MICAL1: variants seen among roughly 807,000 people sequenced by gnomAD.
MICAL1 encodes the protein [F-actin]-monooxygenase MICAL1.
Under a neutral mutation model 131.8 loss-of-function variants are expected in MICAL1, and 95 were observed. The ratio of observed to expected loss-of-function variants is 0.72; its 90% CI spans 0.61 to 0.86. MICAL1 has a LOEUF of 0.86. Ranked by LOEUF, MICAL1 falls within the 40% of genes least tolerant of loss-of-function variation. The pLI is 0.00. For synonymous variants in MICAL1, 546 were observed against 554.2 expected (o/e 0.99, Z 0.21); for missense variants, 1,292 against 1,380.6 (o/e 0.94, Z 1.02).
chr6:109,450,210 C>A, intron 8 of MICAL1, 90 bp downstream of exon 8: 1 of 1,563,930 alleles, frequency 6.4e-7, no homozygotes. Context: ...TAGCTCCTCC[C>A]CTCTGCAGGC....
At chr6:109,447,633 G>C (rs1273209095) in intron 15 of MICAL1, 48 bp downstream of exon 15, 8 of 1,612,124 alleles carry the variant, frequency 5.0e-6, no homozygotes, top group Non-Finnish European at 6.8e-6. Flanking sequence ...ACCAGGAAAG[G>C]GGATAAAATG....
intron 24 of MICAL1, 91 bp from the exon 25 acceptor site, chr6:109,444,430 A>G: frequency 6.4e-7 from 1 of 1,561,078 alleles, no homozygotes; most frequent in Non-Finnish European, 8.7e-7. Flanking sequence ...GATTTCTATA[A>G]CCCGGGCTTT....
In MICAL1 at chr6:109,451,628, C is replaced by T. The variant is rs1775547223; in HGVS notation, c.905G>A (p.Cys302Tyr). 1 of 1,614,100 alleles carries T rather than the reference C, an allele frequency of 6.2e-7. No homozygotes were observed. Among genetic ancestry groups the T allele is most frequent in the South Asian group, 1.1e-5 (1 of 91,088 alleles). The change falls in exon 7 of 25, where the codon TGC becomes TAC. Residue 302 changes from cysteine to tyrosine, a missense_variant. Coordinates refer to ENST00000358807, the MANE Select transcript of MICAL1 (RefSeq NM_022765.4). ...GCGCAGCACCCCCAGCCGCAGCAGG[C>T]ACTGCTTCTTGGCTGTCATCACAAA... ...HYFVMTAKKQ[C>Y]LLRLGVLRQD...
chr6:109,452,557 T>C lies in MICAL1; in HGVS notation c.630A>G (p.Glu210=). 6.2e-7 allele frequency: 1 copy of C among 1,613,726 alleles called. No individual in the cohort carries two copies. Among genetic ancestry groups the C allele is most frequent in the Non-Finnish European group, 8.5e-7 (1 of 1,179,962 alleles). Residue 210 remains glutamate, a synonymous_variant, in exon 5 of 25, where the codon GAA becomes GAG. Transcript: ENST00000358807. ...PNPPAQLANY[E]FDVLISAAGG... The stretch of plus-strand genomic sequence containing the variant: ...CTGCAGCCGAGATAAGGACGTCAAA[T>C]TCATAGTTGGCCAGCTGGGCAGGGG...
intron 8 of MICAL1, 64 bp downstream of exon 8, chr6:109,450,236 C>T: frequency 6.4e-7 from 1 of 1,572,816 alleles, no homozygotes; most frequent in Non-Finnish European, 8.7e-7. Flanking sequence ...TTTTTATCCC[C>T]TCCTCCATAC....
intron 4 of MICAL1, 116 bp downstream of exon 4, chr6:109,453,147 G>C (rs112593035): frequency 1.0e-5 from 8 of 782,118 alleles, no homozygotes; most frequent in Non-Finnish European, 1.7e-5. Context: ...GTGACAGAAC[G>C]AGACTCTGTC....
intron 20 of MICAL1, 60 bp downstream of exon 20, chr6:109,445,711 T>C (rs1037542297): frequency 6.4e-7 from 1 of 1,567,274 alleles, no homozygotes; most frequent in Non-Finnish European, 8.7e-7. Context: ...AGTGGACCAG[T>C]GCAGGTTTCT....
At chr6:109,451,546 C>T in intron 7 of MICAL1, 54 bp downstream of exon 7, 1 of 1,606,176 alleles carries the variant, frequency 6.2e-7, no homozygotes, top group Admixed American at 1.7e-5. Context: ...CAAGCCTAGC[C>T]TCTGCCTCCC....
Position 109,454,009 on chromosome 6 carries a change from A to T in MICAL1, c.188T>A (p.Leu63Gln). 6.2e-7 allele frequency: 1 copy of T among 1,614,114 alleles called. No homozygotes were observed. The highest frequency in any genetic ancestry group is 8.5e-7 in the Non-Finnish European group (1 of 1,180,030). The change falls in exon 2 of 25, where the codon CTG (leucine) becomes CAG (glutamine). Residue 63 changes from leucine to glutamine, a missense_variant. Physicochemically the swap from Leu to Gln is moderately radical, Grantham distance 113. Transcript: ENST00000358807. Reference sequence around the variant, plus strand: ...TGCTCGCTTGTCCAGCTTGGTCCACAGTGACTTGGCGCTCCAGTAGTTGAG... The same window carrying T: ...TGCTCGCTTGTCCAGCTTGGTCCACTGTGACTTGGCGCTCCAGTAGTTGAG... The part of the protein sequence containing the change: ...DQLNYWSAKS[L>Q]WTKLDKRAGQ...
chr6:109,446,006 A>G, intron 19 of MICAL1, 130 bp downstream of exon 19: 1 of 1,472,656 alleles, frequency 6.8e-7, no homozygotes, highest in Non-Finnish European at 9.0e-7. Flanking sequence ...AGAAGAATGG[A>G]GCAGAGGAGA....
In MICAL1 at chr6:109,445,518, G is replaced by T; in HGVS notation, c.2685C>A (p.Thr895=). 1 of 1,614,116 alleles carries T rather than the reference G, an allele frequency of 6.2e-7. No individual in the cohort carries two copies. The highest frequency in any genetic ancestry group is 1.1e-5 in the South Asian group (1 of 91,076). Residue 895 remains threonine, a synonymous_variant, in exon 21 of 25, where the codon ACC becomes ACA. Transcript: ENST00000358807. ...TCATGGTGCCTGAGGTCTTGGCAAA[G>T]GTCTGCAGGGCCTATAGGAGGGTCA... is the stretch of plus-strand genomic sequence containing the variant. ...LDSDVEQALQ[T]FAKTSGTMNN...
chr6:109,456,762 G>A (rs2115344400), upstream of MICAL1, among the ~76,000 whole-genome samples: 1 of 152,308 alleles, frequency 6.6e-6, no homozygotes, highest in South Asian at 2.1e-4. Context: ...GTCATCCTAT[G>A]AGTATTACCT....
chr6:109,446,337 G>A lies in MICAL1; in HGVS notation c.2380C>T (p.Pro794Ser), dbSNP rs1170100582. The change falls in exon 19 of 25, where the codon CCT becomes TCT. Residue 794 changes from proline (P) to serine (S), a missense_variant. Coordinates refer to ENST00000358807, the MANE Select transcript of MICAL1 (RefSeq NM_022765.4). ...TPTASQEGAG[P>S]VPDPSQPTRR... ...GTGGGCTGGCTGGGATCTGGAACAG[G>A]ACCGGCCCCCTCCTGCGAGGCTGTG... is the stretch of plus-strand genomic sequence containing the variant. 9 of 1,614,002 alleles carry A rather than the reference G, an allele frequency of 5.6e-6. No individual in the cohort carries two copies. In the African/African-American group the frequency reaches 1.2e-4, roughly 22 times the overall value.
upstream of MICAL1, among the ~76,000 whole-genome samples, chr6:109,458,246 T>C (rs774160038): frequency 1.3e-5 from 2 of 152,222 alleles, no homozygotes; most frequent in Non-Finnish European, 2.9e-5. Flanking sequence ...CACAATCACA[T>C]TGGCCAATTC....
chr6:109,446,828 CACGCA>C, intron 17 of MICAL1, 56 bp from the exon 18 acceptor site: 1 of 1,506,096 alleles, frequency 6.6e-7, no homozygotes, highest in Middle Eastern at 2.1e-4. Context: ...AGTGCCCAGA[CACGCA>C]ACAGTTTATG....
At chr6:109,451,941 C>T in intron 6 of MICAL1, 1 of 1,391,772 alleles carries the variant, frequency 7.2e-7, no homozygotes, top group South Asian at 1.6e-5. Context: ...GAGACCTGCA[C>T]CACCTGGTCG....
At chr6:109,465,864 T>C (rs1776023624) in exon 1 of MICAL1, 2 of 1,614,080 alleles carry the variant, frequency 1.2e-6, no homozygotes, top group Non-Finnish European at 1.7e-6. Flanking sequence ...GCTCTGCTCC[T>C]GGCCAAGTGG....
Position 109,452,574 on chromosome 6 carries a change from G to T in MICAL1, c.613C>A (p.Gln205Lys). 1.2e-6 allele frequency: 2 copies of T among 1,613,674 alleles called. No individual in the cohort carries two copies. The highest frequency in any genetic ancestry group is 3.4e-4 in the Middle Eastern group (2 of 5,900). ...RAQLQPNPPA[Q>K]LANYEFDVLI... ...ACGTCAAATTCATAGTTGGCCAGCT[G>T]GGCAGGGGGGTTGGGTTGGAGCTGG... is the stretch of plus-strand genomic sequence containing the variant. The change falls in exon 5 of 25, where the codon CAG (glutamine) becomes AAG (lysine). Residue 205 changes from glutamine to lysine, a missense_variant. Physicochemically the swap from Gln to Lys is moderately conservative, Grantham distance 53. Coordinates refer to ENST00000358807, the MANE Select transcript of MICAL1 (RefSeq NM_022765.4).
At position 109,445,870 on chromosome 6, in the gene MICAL1, G is replaced by A. The variant is rs1351775154; in HGVS notation, c.2582-8C>T. On this transcript the variant is annotated splice_region_variant and splice_polypyrimidine_tract_variant and intron_variant, in intron 19 of 24. Transcript: ENST00000358807. Reference sequence around the variant, plus strand: ...TCTCCATGGCCACAAGAGCTGAGAAGAAGAACTGAGACGTTCTACTGCCTC... The same window carrying A: ...TCTCCATGGCCACAAGAGCTGAGAAAAAGAACTGAGACGTTCTACTGCCTC... 6.3e-7 allele frequency: 1 copy of A among 1,595,180 alleles called. No homozygotes were observed. The highest frequency in any genetic ancestry group is 8.5e-7 in the Non-Finnish European group (1 of 1,169,968).
Sources: gnomAD v4.1 joint callset for allele counts (sites outside exome capture counted in the v4.1 genomes callset) on GRCh38, gnomAD v4.1.1 for gene constraint, MANE v1.5 for transcripts, NCBI Gene and HGNC (gene_info 2026-07-23, HGNC 2026-07-21) for gene names.